The following WWC2 variants were observed in gnomAD, a reference collection of about 807,000 sequenced individuals.
WWC2 encodes the protein protein WWC2.
In WWC2, 101 loss-of-function variants were observed where a neutral mutation model predicts 138.5. The observed-to-expected ratio is 0.73, with a 90% CI of 0.62 to 0.86. The LOEUF (loss-of-function observed/expected upper bound fraction) is 0.86. WWC2 is among the 40% of genes least tolerant of loss of function. WWC2 has a pLI of 0.00. For synonymous variants in WWC2, 558 were observed against 538.4 expected, an observed-to-expected ratio of 1.04 and a Z score of -0.50; for missense variants, 1,420 against 1,419.4, an observed-to-expected ratio of 1.00 and a Z score of -0.01.
intron 1 of WWC2, among the ~76,000 whole-genome samples, chr4:183,176,912 C>G (rs570341269): frequency 2.0e-5 from 3 of 152,156 alleles, no homozygotes; most frequent in Admixed American, 1.3e-4. Context: ...TACTGCAAAA[C>G]AAATACTTGC....
intron 1 of WWC2, among the ~76,000 whole-genome samples, chr4:183,146,969 A>G (rs1391621651): frequency 6.6e-6 from 1 of 152,198 alleles, no homozygotes; most frequent in African/African-American, 2.4e-5. Context: ...AATGTTCTCG[A>G]GAAACACTTG....
chr4:183,314,114 C>T (rs1036829065), intron 22 of WWC2, among the ~76,000 whole-genome samples: 2 of 152,068 alleles, frequency 1.3e-5, no homozygotes, highest in African/African-American at 4.8e-5. Context: ...CGTGTGGCAG[C>T]AGCAGTGTGC....
At chr4:183,114,568 G>A (rs1418010308) in intron 1 of WWC2, among the ~76,000 whole-genome samples, 2 of 152,116 alleles carry the variant, frequency 1.3e-5, no homozygotes, top group African/African-American at 4.8e-5. Context: ...TGGAAGAGAG[G>A]AAAAGGAGAG....
intron 1 of WWC2, among the ~76,000 whole-genome samples, chr4:183,175,683 G>A (rs1734447364): frequency 6.6e-6 from 1 of 152,084 alleles, no homozygotes; most frequent in Non-Finnish European, 1.5e-5. Context: ...ATCGTTTTTT[G>A]TACTTGATTT....
In WWC2 at chr4:183,319,302, A is replaced by C; in HGVS notation, c.*3573A>C. 2.4e-6 allele frequency: 1 copy of C among 417,848 alleles called. No homozygotes were observed. The highest frequency in any genetic ancestry group is 4.2e-6 in the Non-Finnish European group (1 of 237,152). The allele number at this position is 417,848 out of a possible 1,614,324, so 25.9% of individuals were successfully genotyped here. ...ATGTTTTATTTACCACTTCTGTGCA[A>C]TCGCTATTTTAAAATTGAGAAAACT... On this transcript the variant is annotated 3_prime_UTR_variant, in exon 23 of 23. Transcript: ENST00000403733.
At position 183,310,870 on chromosome 4, in the gene WWC2, T is replaced by C. The variant is rs1328286621; in HGVS notation, c.3385-1471T>C. The stretch of plus-strand genomic sequence containing the variant: ...AAAAAAAGCAACAGTAATAGCTTCA[T>C]TCTGAAATAGTATATTCAGTGATGT... On this transcript the variant is annotated intron_variant, in intron 21 of 22. Coordinates refer to ENST00000403733, the MANE Select transcript of WWC2 (RefSeq NM_024949.6). 2.7e-5 allele frequency among the ~76,000 whole-genome samples: 4 copies of C among 149,562 alleles called. No individual in the cohort carries two copies. In the East Asian group the frequency reaches 7.8e-4, roughly 29 times the overall value.
chr4:183,230,177 G>A (rs1461111076), intron 4 of WWC2, among the ~76,000 whole-genome samples: 1 of 151,792 alleles, frequency 6.6e-6, no homozygotes, highest in Non-Finnish European at 1.5e-5. Flanking sequence ...ACCTAGGCTG[G>A]ACCTGAATAA....
intron 1 of WWC2, among the ~76,000 whole-genome samples, chr4:183,108,119 C>CA (rs749329635): frequency 1.1e-4 from 16 of 151,936 alleles, no homozygotes; most frequent in Non-Finnish European, 2.1e-4. Context: ...TCAGCTTATT[C>CA]AAAATGATTT....
intron 21 of WWC2, among the ~76,000 whole-genome samples, chr4:183,308,233 T>A (rs984322361): frequency 1.6e-4 from 24 of 152,106 alleles, no homozygotes; most frequent in African/African-American, 5.8e-4. Context: ...AGGAACTAAA[T>A]AAATGGAAAA....
chr4:183,113,180 C>T (rs1445115581), intron 1 of WWC2, among the ~76,000 whole-genome samples: 1 of 151,796 alleles, frequency 6.6e-6, no homozygotes, highest in Non-Finnish European at 1.5e-5. Flanking sequence ...GTTGAGGCAG[C>T]AGAATCACTT....
At position 183,317,609 on chromosome 4, in the gene WWC2, A is replaced by G. The variant is rs1048093133; in HGVS notation, c.*1880A>G. The G allele has an allele frequency of 1.1e-4, 17 of 152,748 alleles. No individual in the cohort carries two copies. The highest frequency in any genetic ancestry group is 5.2e-4 in the Admixed American group (8 of 15,302). 9.5% of individuals were successfully genotyped at this position (152,748 alleles called of 1,614,324 possible). On this transcript the variant is annotated 3_prime_UTR_variant, in exon 23 of 23. Coordinates refer to ENST00000403733, the MANE Select transcript of WWC2 (RefSeq NM_024949.6). ...GTTTGACCATGAAAATGTCTATAGA[A>G]TTATGTGTAGTTGTTCCGTACGATT...
In WWC2 at chr4:183,099,639, G is replaced by T. The variant is rs1743096706; in HGVS notation, c.131+17G>T. On this transcript the variant is annotated intron_variant, in intron 1 of 22. Transcript: ENST00000403733. ...CCGGGACAGGTGGGCGCCGGCCGCGGGGGCGCGGGCCCGTTCGGACACGGC... is the reference window on the plus strand; with the variant it reads ...CCGGGACAGGTGGGCGCCGGCCGCGTGGGCGCGGGCCCGTTCGGACACGGC... 7.6e-7 allele frequency: 1 copy of T among 1,319,640 alleles called. No homozygotes were observed. Among genetic ancestry groups the T allele is most frequent in the Non-Finnish European group, 9.8e-7 (1 of 1,017,608 alleles). 81.7% of individuals were successfully genotyped at this position (1,319,640 alleles called of 1,614,324 possible).
chr4:183,224,583 C>T (rs1050491374), intron 4 of WWC2, among the ~76,000 whole-genome samples: 21 of 136,048 alleles, frequency 1.5e-4, no homozygotes, highest in Admixed American at 1.3e-3. Flanking sequence ...TTTTTTGAGA[C>T]GGAGTCTCGC....
chr4:183,164,324 TATATATATATATACA>T (rs1561443813), intron 1 of WWC2, among the ~76,000 whole-genome samples: 125 of 1,018 alleles, frequency 0.12, 6 homozygotes, highest in African/African-American at 0.27. Flanking sequence ...TATATACATA[TATATATATATATACA>T]TATATATATT....
intron 4 of WWC2, chr4:183,233,891 T>TGC (rs1553969820): frequency 6.6e-6 from 1 of 152,222 alleles, no homozygotes; most frequent in Admixed American, 6.5e-5. Flanking sequence ...AGTTGACAGT[T>TGC]GCCCTTTATT....
intron 21 of WWC2, among the ~76,000 whole-genome samples, chr4:183,306,600 GCT>G (rs1204569386): frequency 6.6e-6 from 1 of 151,184 alleles, no homozygotes; most frequent in Non-Finnish European, 1.5e-5. Context: ...ATGGAGTCTC[GCT>G]CTGTCACCCA....
At chr4:183,146,899 T>G (rs1003329076) in intron 1 of WWC2, among the ~76,000 whole-genome samples, 3 of 152,144 alleles carry the variant, frequency 2.0e-5, no homozygotes, top group African/African-American at 7.2e-5. Flanking sequence ...CCTTAGTCAA[T>G]CATGGGAGGG....
At chr4:183,224,405 A>G (rs1220843422) in intron 4 of WWC2, among the ~76,000 whole-genome samples, 2 of 152,190 alleles carry the variant, frequency 1.3e-5, no homozygotes, top group African/African-American at 4.8e-5. Context: ...CTCTATAAAG[A>G]GAAACTTTCC....
chr4:183,147,402 A>G (rs771255895), intron 1 of WWC2, among the ~76,000 whole-genome samples: 1 of 152,094 alleles, frequency 6.6e-6, no homozygotes, highest in African/African-American at 2.4e-5. Context: ...CTCTTAGATT[A>G]TTTTCTCTAC....
Sources: gnomAD v4.1 joint callset for allele counts (sites outside exome capture counted in the v4.1 genomes callset) on GRCh38, gnomAD v4.1.1 for gene constraint, MANE v1.5 for transcripts, NCBI Gene and HGNC (gene_info 2026-07-23, HGNC 2026-07-21) for gene names.